Variants in PABPC3 observed in about 807,000 individuals in gnomAD.
The protein encoded by PABPC3 is poly(A) binding protein cytoplasmic 3, also known as polyadenylate-binding protein 3.
PABPC3 carries 43 observed loss-of-function variants against 43.0 expected under a neutral mutation model. That is an observed-to-expected ratio of 1.00 (90% CI 0.78 to 1.29). PABPC3 has a LOEUF of 1.29. Among genes scored for constraint, PABPC3 ranks in the 50% most tolerant of loss-of-function variants. The probability of loss-of-function intolerance (pLI) is 0.00; values close to 1 mark genes in which losing one functional copy is unlikely to be tolerated. For synonymous variants in PABPC3, 221 were observed against 274.6 expected, an observed-to-expected ratio of 0.80 and a Z score of 1.93; for missense variants, 784 against 798.1, an observed-to-expected ratio of 0.98 and a Z score of 0.21.
Position 25,098,757 on chromosome 13 carries a change from T to A in PABPC3, c.*663T>A, listed in dbSNP as rs9581259. 42,072 of 166,318 alleles carry A rather than the reference T, an allele frequency of 0.25. 5,521 individuals are homozygous for A. The highest frequency in any genetic ancestry group is 0.35 in the South Asian group (1,668 of 4,812). 10.3% of individuals were successfully genotyped at this position (166,318 alleles called of 1,614,324 possible). A position where few individuals can be genotyped will look rare whatever the true frequency, so the allele number is the denominator to read the frequency against. ...ATAGTAATTATAAATTCAGTAACAT[T>A]TGTTCAAAATTGTAAGACAATTATT... On this transcript the variant is annotated 3_prime_UTR_variant, in exon 1 of 1. Coordinates refer to ENST00000281589, the MANE Select transcript of PABPC3 (RefSeq NM_030979.3).
Position 25,096,365 on chromosome 13 carries a change from A to C in PABPC3, c.167A>C (p.Tyr56Ser), listed in dbSNP as rs1956036141. The C allele has an allele frequency of 1.9e-6, 3 of 1,614,234 alleles. No individual in the cohort carries two copies. The highest frequency in any genetic ancestry group is 2.2e-5 in the South Asian group (2 of 91,086). ...LITSGSSNYA[Y>S]VNFQHTKDAE... ...ACCAGCGGCTCCTCCAACTACGCGTATGTGAACTTCCAGCATACGAAGGAC... is the reference window on the plus strand; with the variant it reads ...ACCAGCGGCTCCTCCAACTACGCGTCTGTGAACTTCCAGCATACGAAGGAC... Residue 56 changes from tyrosine (Y) to serine (S), a missense_variant, in exon 1 of 1, where the codon TAT becomes TCT. Physicochemically the swap from Tyr to Ser is moderately radical, Grantham distance 144. Coordinates refer to ENST00000281589, the MANE Select transcript of PABPC3 (RefSeq NM_030979.3).
In PABPC3 at chr13:25,098,662, C is replaced by T. The variant is rs564816244; in HGVS notation, c.*568C>T. 6.0e-6 allele frequency: 1 copy of T among 166,504 alleles called. No homozygotes were observed. The highest frequency in any genetic ancestry group is 1.9e-4 in the East Asian group (1 of 5,170). The allele number at this position is 166,504 out of a possible 1,614,324, so 10.3% of individuals were successfully genotyped here. A position where few individuals can be genotyped will look rare whatever the true frequency, so the allele number is the denominator to read the frequency against. Reference sequence around the variant, plus strand: ...TTCAAATATGAAAATCACTTTTTCACCAAAATTTTAGGTCTTTACATAATA... The same window carrying T: ...TTCAAATATGAAAATCACTTTTTCATCAAAATTTTAGGTCTTTACATAATA... On this transcript the variant is annotated 3_prime_UTR_variant, in exon 1 of 1. Transcript: ENST00000281589.
At position 25,096,725 on chromosome 13, in the gene PABPC3, G is replaced by C. The variant is rs780856558; in HGVS notation, c.527G>C (p.Arg176Pro). ...RKVFVGQFKS[R>P]KEREAELGAR... Reference sequence around the variant, plus strand: ...GTATTTGTTGGACAATTTAAGTCTCGTAAAGAACGAGAAGCTGAACTTGGA... The same window carrying C: ...GTATTTGTTGGACAATTTAAGTCTCCTAAAGAACGAGAAGCTGAACTTGGA... The change falls in exon 1 of 1, where the codon CGT (arginine) becomes CCT (proline). Residue 176 changes from arginine (R) to proline (P), a missense_variant. Coordinates refer to ENST00000281589, the MANE Select transcript of PABPC3 (RefSeq NM_030979.3). 1 of 1,614,298 alleles carries C rather than the reference G, an allele frequency of 6.2e-7. No individual in the cohort carries two copies. The highest frequency in any genetic ancestry group is 2.2e-5 in the East Asian group (1 of 44,896).
rs377609872 is a variant in PABPC3 at position 25,097,380 on chromosome 13, C to A, written c.1182C>A (p.Asn394Lys). The change falls in exon 1 of 1, where the codon AAC (asparagine) becomes AAA (lysine). Residue 394 changes from asparagine to lysine, a missense_variant. Physicochemically the swap from Asn to Lys is moderately conservative, Grantham distance 94. Coordinates refer to ENST00000281589, the MANE Select transcript of PABPC3 (RefSeq NM_030979.3). ...TGGCAAGTGTACGAGCTGTGCCCAA[C>A]CAGCGAGCACCTCCTTCAGGTTACT... ...QRMASVRAVP[N>K]QRAPPSGYFM... 4 of 1,614,044 alleles carry A rather than the reference C, an allele frequency of 2.5e-6. No individual in the cohort carries two copies. The African/African-American group carries it at 5.3e-5, about 22-fold the overall frequency.
rs767588021 is a variant in PABPC3 at position 25,097,518 on chromosome 13, A to G, written c.1320A>G (p.Pro440=). Residue 440 remains proline, a synonymous_variant, in exon 1 of 1, where the codon CCA becomes CCG. Coordinates refer to ENST00000281589, the MANE Select transcript of PABPC3 (RefSeq NM_030979.3). ...CTGCTCAGGGTGCCAGACCTCATCC[A>G]TTCCAAAATAAGCCCAGTGCTATCC... ...RWTAQGARPH[P]FQNKPSAIRP... The G allele has an allele frequency of 1.9e-6, 3 of 1,614,138 alleles. No homozygotes were observed. Among genetic ancestry groups the G allele is most frequent in the Non-Finnish European group, 2.5e-6 (3 of 1,180,054 alleles).
chr13:25,097,403 A>G lies in PABPC3; in HGVS notation c.1205A>G (p.Tyr402Cys), dbSNP rs776001979. The G allele has an allele frequency of 1.3e-6, 2 of 1,585,402 alleles. No individual in the cohort carries two copies. Among genetic ancestry groups the G allele is most frequent in the Admixed American group, 1.7e-5 (1 of 57,410 alleles). The change falls in exon 1 of 1, where the codon TAC (tyrosine) becomes TGC (cysteine). Residue 402 changes from tyrosine to cysteine, a missense_variant. Coordinates refer to ENST00000281589, the MANE Select transcript of PABPC3 (RefSeq NM_030979.3). ...AACCAGCGAGCACCTCCTTCAGGTT[A>G]CTTCATGACAGCTGTCCCACAGACT... ...VPNQRAPPSG[Y>C]FMTAVPQTQN...
At position 25,096,737 on chromosome 13, in the gene PABPC3, A is replaced by C. The variant is rs769081819; in HGVS notation, c.539A>C (p.Glu180Ala). ...CAATTTAAGTCTCGTAAAGAACGAG[A>C]AGCTGAACTTGGAGCTAGGGCAAAA... ...VGQFKSRKER[E>A]AELGARAKEF... Residue 180 changes from glutamate (E) to alanine (A), a missense_variant, in exon 1 of 1, where the codon GAA (glutamate) becomes GCA (alanine). Transcript: ENST00000281589. The C allele has an allele frequency of 6.2e-7, 1 of 1,614,310 alleles. No homozygotes were observed. The highest frequency in any genetic ancestry group is 1.7e-5 in the Admixed American group (1 of 60,034).
In PABPC3 at chr13:25,097,602, A is replaced by G; in HGVS notation, c.1404A>G (p.Pro468=). ...TGAGACCAGCTTCTTCACAGGTTCC[A>G]CGAGTCATGTCAACGCAGCGTGTTG... ...STMRPASSQV[P]RVMSTQRVAN... is the part of the protein sequence containing the mutation. The change falls in exon 1 of 1, where the codon CCA becomes CCG. Residue 468 remains proline (P), a synonymous_variant. Transcript: ENST00000281589. The G allele has an allele frequency of 6.2e-7, 1 of 1,614,212 alleles. No individual in the cohort carries two copies. Among genetic ancestry groups the G allele is most frequent in the Non-Finnish European group, 8.5e-7 (1 of 1,180,038 alleles).
chr13:25,096,663 T>TA, the PABPC3 span: 9 of 1,505,812 alleles, frequency 6.0e-6, no homozygotes, highest in Non-Finnish European at 6.2e-6. Flanking sequence ...AAAGAGCTAT[T>TA]AAAAAAATGA....
In PABPC3 at chr13:25,096,474, A is replaced by C. The variant is rs1353847423; in HGVS notation, c.276A>C (p.Ser92=). ...TCATGTGGTCTCAGCGTGATCCATC[A>C]CTTCGAAAAAGTGGAGTGGGCAACA... ...VRIMWSQRDP[S]LRKSGVGNIF... The change falls in exon 1 of 1, where the codon TCA becomes TCC. Residue 92 remains serine, a synonymous_variant. Transcript: ENST00000281589. The C allele has an allele frequency of 6.2e-7, 1 of 1,614,148 alleles. No individual in the cohort carries two copies. Among genetic ancestry groups the C allele is most frequent in the Admixed American group, 1.7e-5 (1 of 60,010 alleles).
In PABPC3 at chr13:25,097,861, C is replaced by G; in HGVS notation, c.1663C>G (p.Gln555Glu). 1 of 1,613,962 alleles carries G rather than the reference C, an allele frequency of 6.2e-7. No homozygotes were observed. Among genetic ancestry groups the G allele is most frequent in the South Asian group, 1.1e-5 (1 of 91,072 alleles). The change falls in exon 1 of 1, where the codon CAA (glutamine) becomes GAA (glutamate). Residue 555 changes from glutamine (Q) to glutamate (E), a missense_variant. Coordinates refer to ENST00000281589, the MANE Select transcript of PABPC3 (RefSeq NM_030979.3). ...ATCTGCCCCTCCTCAAAAGCAAAAGCAAATGTTAGGTGAACGGCTCTTTCC... is the reference window on the plus strand; with the variant it reads ...ATCTGCCCCTCCTCAAAAGCAAAAGGAAATGTTAGGTGAACGGCTCTTTCC... ...LASAPPQKQKQMLGERLFPLI... is the reference protein window; with the variant it reads ...LASAPPQKQKEMLGERLFPLI...
At position 25,097,214 on chromosome 13, in the gene PABPC3, G is replaced by T. The variant is rs58174040; in HGVS notation, c.1016G>T (p.Cys339Phe). Reference sequence around the variant, plus strand: ...CGCAGCAAAGGGTTTGGTTTTGTATGTTTCTCCTCCCCAGAAGAAGCCACT... The same window carrying T: ...CGCAGCAAAGGGTTTGGTTTTGTATTTTTCTCCTCCCCAGAAGAAGCCACT... Reference protein sequence around the residue: ...GGRSKGFGFVCFSSPEEATKA... With the variant: ...GGRSKGFGFVFFSSPEEATKA... The change falls in exon 1 of 1, where the codon TGT becomes TTT. Residue 339 changes from cysteine to phenylalanine, a missense_variant. By Grantham distance (205) the Cys-to-Phe change is radical. Coordinates refer to ENST00000281589, the MANE Select transcript of PABPC3 (RefSeq NM_030979.3). 1.4e-5 allele frequency: 23 copies of T among 1,614,152 alleles called. No individual in the cohort carries two copies. The highest frequency in any genetic ancestry group is 1.9e-5 in the Non-Finnish European group (23 of 1,180,040).
At position 25,098,038 on chromosome 13, in the gene PABPC3, G is replaced by C; in HGVS notation, c.1840G>C (p.Ala614Pro). ...TGTAGCTGTACTACAAGCCCACCAA[G>C]CTAAAGAGGCTACCCAGAAAGCAGT... The part of the protein sequence containing the change: ...EAVAVLQAHQ[A>P]KEATQKAVNS... Residue 614 changes from alanine (A) to proline (P), a missense_variant, in exon 1 of 1, where the codon GCT (alanine) becomes CCT (proline). Transcript: ENST00000281589. The C allele has an allele frequency of 6.2e-7, 1 of 1,613,954 alleles. No homozygotes were observed. The highest frequency in any genetic ancestry group is 8.5e-7 in the Non-Finnish European group (1 of 1,179,876).
Position 25,098,274 on chromosome 13 carries a change from A to C in PABPC3, c.*180A>C, listed in dbSNP as rs1214532491. On this transcript the variant is annotated 3_prime_UTR_variant, in exon 1 of 1. Coordinates refer to ENST00000281589, the MANE Select transcript of PABPC3 (RefSeq NM_030979.3). ...AGCAAATGCAAGGTCTAGCAAATAT[A>C]ATGCTAGTCCTAGATTACTTATTGA... 3 of 585,460 alleles carry C rather than the reference A, an allele frequency of 5.1e-6. No individual in the cohort carries two copies. Among genetic ancestry groups the C allele is most frequent in the East Asian group, 2.9e-5 (1 of 34,406 alleles). 36.3% of individuals were successfully genotyped at this position (585,460 alleles called of 1,614,324 possible).
Position 25,097,192 on chromosome 13 carries a change from A to G in PABPC3, c.994A>G (p.Ser332Gly). The G allele has an allele frequency of 6.2e-7, 1 of 1,614,230 alleles. No homozygotes were observed. Among genetic ancestry groups the G allele is most frequent in the South Asian group, 1.1e-5 (1 of 91,076 alleles). The change falls in exon 1 of 1, where the codon AGC (serine) becomes GGC (glycine). Residue 332 changes from serine (S) to glycine (G), a missense_variant. Physicochemically the swap from Ser to Gly is moderately conservative, Grantham distance 56 (BLOSUM62 0). Transcript: ENST00000281589. The stretch of plus-strand genomic sequence containing the variant: ...AAAGGTTATGATGGAAGGTGGTCGC[A>G]GCAAAGGGTTTGGTTTTGTATGTTT... ...SAKVMMEGGR[S>G]KGFGFVCFSS...
chr13:25,097,275 C>T lies in PABPC3; in HGVS notation c.1077C>T (p.Ala359=), dbSNP rs749144948. The T allele has an allele frequency of 1.9e-6, 3 of 1,614,258 alleles. No homozygotes were observed. The highest frequency in any genetic ancestry group is 8.5e-7 in the Non-Finnish European group (1 of 1,180,054). Residue 359 remains alanine, a synonymous_variant, in exon 1 of 1, where the codon GCC becomes GCT. Transcript: ENST00000281589. ...CAGAAATGAACGGTAGAATTGTGGC[C>T]ACAAAGCCATTGTATGTAGCTTTAG... ...AVTEMNGRIV[A]TKPLYVALAQ...
In PABPC3 at chr13:25,097,804, G is replaced by C; in HGVS notation, c.1606G>C (p.Gly536Arg). ...GCAACAGCTTGCTGTTCATGTACAA[G>C]GTCAGGAAACTTTGACTGCCTCCAG... ...TMQQLAVHVQ[G>R]QETLTASRLA... The change falls in exon 1 of 1, where the codon GGT (glycine) becomes CGT (arginine). Residue 536 changes from glycine to arginine, a missense_variant. Physicochemically the swap from Gly to Arg is moderately radical, Grantham distance 125. Transcript: ENST00000281589. 6.2e-7 allele frequency: 1 copy of C among 1,614,108 alleles called. No individual in the cohort carries two copies.
rs1383660422 is a variant in PABPC3 at position 25,098,618 on chromosome 13, A to G, written c.*524A>G. 1.2e-5 allele frequency: 2 copies of G among 167,220 alleles called. No homozygotes were observed. Among genetic ancestry groups the G allele is most frequent in the South Asian group, 2.1e-4 (1 of 4,824 alleles). 10.4% of individuals were successfully genotyped at this position (167,220 alleles called of 1,614,324 possible). A position where few individuals can be genotyped will look rare whatever the true frequency, so the allele number is the denominator to read the frequency against. ...ATAGTCTTTCTTTACATTTTCTATTATTCTATCTCCCACTATATTTCAAAT... is the reference window on the plus strand; with the variant it reads ...ATAGTCTTTCTTTACATTTTCTATTGTTCTATCTCCCACTATATTTCAAAT... On this transcript the variant is annotated 3_prime_UTR_variant, in exon 1 of 1. Coordinates refer to ENST00000281589, the MANE Select transcript of PABPC3 (RefSeq NM_030979.3).
Position 25,097,745 on chromosome 13 carries a change from A to G in PABPC3, c.1547A>G (p.Gln516Arg). The G allele has an allele frequency of 6.2e-7, 1 of 1,614,198 alleles. No individual in the cohort carries two copies. The highest frequency in any genetic ancestry group is 8.5e-7 in the Non-Finnish European group (1 of 1,180,020). Residue 516 changes from glutamine to arginine, a missense_variant, in exon 1 of 1, where the codon CAG becomes CGG. Physicochemically the swap from Gln to Arg is conservative, Grantham distance 43. Transcript: ENST00000281589. ...YKYAAGVRNPQQHRNAQPQVT... is the reference protein window; with the variant it reads ...YKYAAGVRNPRQHRNAQPQVT... ...TATGCTGCGGGAGTTCGCAATCCTC[A>G]GCAACATCGTAATGCACAGCCACAA...
Sources: allele counts gnomAD v4.1 joint callset, GRCh38; gene constraint gnomAD v4.1.1; transcripts MANE v1.5; gene names NCBI Gene and HGNC (gene_info 2026-07-23, HGNC 2026-07-21).